Variants in DYSF observed in about 807,000 individuals in gnomAD.
The protein encoded by DYSF is dysferlin, also known as dystrophy-associated fer-1-like 1.
In DYSF, 212 loss-of-function variants were observed where a neutral mutation model predicts 274.9. The observed-to-expected ratio is 0.77, with a 90% CI of 0.69 to 0.86. The LOEUF (loss-of-function observed/expected upper bound fraction) is 0.86. Among genes scored for constraint, DYSF ranks in the 40% least tolerant of loss-of-function variants. The probability of loss-of-function intolerance (pLI) is 0.00; values close to 1 mark genes in which losing one functional copy is unlikely to be tolerated. For missense variants in DYSF, 2,666 were observed against 2,783.2 expected, an observed-to-expected ratio of 0.96 and a Z score of 0.95; for synonymous variants, 1,091 against 1,078.7, an observed-to-expected ratio of 1.01 and a Z score of -0.22.
intron 29 of DYSF, among the ~76,000 whole-genome samples, chr2:71,573,515 A>G (rs1403140222): frequency 6.6e-6 from 1 of 152,188 alleles, no homozygotes; most frequent in Non-Finnish European, 1.5e-5. Flanking sequence ...GGACCCCATG[A>G]ACGAGGTACA....
intron 40 of DYSF, among the ~76,000 whole-genome samples, chr2:71,619,496 G>A (rs76774184): frequency 0.014 from 2,146 of 152,284 alleles, 48 homozygotes; most frequent in African/African-American, 0.049. Flanking sequence ...TTGGGCATCG[G>A]GGGAGTGTCT....
intron 3 of DYSF, among the ~76,000 whole-genome samples, chr2:71,500,002 G>A (rs2084814239): frequency 6.6e-6 from 1 of 152,174 alleles, no homozygotes. Context: ...CAGGCCCCTG[G>A]TTGGTGCCGA....
chr2:71,564,109 C>A lies in DYSF; in HGVS notation c.2461C>A (p.Arg821Ser). Residue 821 changes from arginine (R) to serine (S), a missense_variant, in exon 24 of 56, where the codon CGT becomes AGT. Transcript: ENST00000410020. ...IVIWMLQGDKRVAYQRVPAHQ... is the reference protein window; with the variant it reads ...IVIWMLQGDKSVAYQRVPAHQ... ...CATCTGGATGCTGCAGGGAGACAAG[C>A]GTGTGGCATACCAGCGGGTGCCCGC... 6.2e-7 allele frequency: 1 copy of A among 1,614,276 alleles called. No individual in the cohort carries two copies. The highest frequency in any genetic ancestry group is 1.1e-5 in the South Asian group (1 of 91,090).
chr2:71,635,842 C>T (rs2094394443), intron 41 of DYSF, among the ~76,000 whole-genome samples: 1 of 151,322 alleles, frequency 6.6e-6, no homozygotes, highest in Non-Finnish European at 1.5e-5. Context: ...AATATTAATA[C>T]CCACGTAAAA....
chr2:71,494,311 C>T (rs964574607), intron 3 of DYSF, among the ~76,000 whole-genome samples: 6 of 152,164 alleles, frequency 3.9e-5, no homozygotes, highest in South Asian at 4.1e-4. Context: ...TGTCTGTCTC[C>T]GGATCTGGAG....
chr2:71,651,362 C>T (rs2094656567), intron 42 of DYSF, among the ~76,000 whole-genome samples: 1 of 152,026 alleles, frequency 6.6e-6, no homozygotes, highest in South Asian at 2.1e-4. Flanking sequence ...GACATAACAG[C>T]AGAGATAATT....
In DYSF at chr2:71,592,889, A is replaced by G. The variant is rs74804346; in HGVS notation, c.3574+2601A>G. Among the ~76,000 whole-genome samples the G allele has an allele frequency of 6.8e-3, 1,042 of 152,348 alleles. 14 individuals are homozygous for G. The highest frequency in any genetic ancestry group is 0.024 in the African/African-American group (1,004 of 41,586). On this transcript the variant is annotated intron_variant, in intron 32 of 55. Coordinates refer to ENST00000410020, the MANE Select transcript of DYSF (RefSeq NM_001130987.2). ...TTGAGGAGATAGGCAGGGGTTGCCC[A>G]GAAAACACTTGTTGAATAATATTGA...
At chr2:71,467,707 T>G (rs55902725) in intron 1 of DYSF, among the ~76,000 whole-genome samples, 10,956 of 152,114 alleles carry the variant, frequency 0.072, 567 homozygotes, top group Admixed American at 0.15. Flanking sequence ...ACAATAGCTG[T>G]GAGTCAGGAC....
At chr2:71,582,832 A>G (rs1339147908) in intron 30 of DYSF, among the ~76,000 whole-genome samples, 2 of 152,190 alleles carry the variant, frequency 1.3e-5, no homozygotes, top group African/African-American at 4.8e-5. Context: ...CATCACAGAT[A>G]CATGAGATGG....
At chr2:71,508,862 A>C (rs908043778) in intron 4 of DYSF, among the ~76,000 whole-genome samples, 1 of 151,876 alleles carries the variant, frequency 6.6e-6, no homozygotes, top group African/African-American at 2.4e-5. Context: ...TTGTATTTTT[A>C]CTTTTTTTGA....
At chr2:71,598,992 G>A (rs2093475895) in intron 33 of DYSF, among the ~76,000 whole-genome samples, 1 of 152,236 alleles carries the variant, frequency 6.6e-6, no homozygotes. Context: ...TGGGTCAGGG[G>A]CTTGGGTTTT....
At chr2:71,581,762 AAC>A (rs1351074779) in intron 30 of DYSF, among the ~76,000 whole-genome samples, 1 of 152,180 alleles carries the variant, frequency 6.6e-6, no homozygotes. Context: ...GAATGCTAAA[AAC>A]ACAACAAAAA....
chr2:71,483,346 A>G (rs369126177), intron 3 of DYSF, among the ~76,000 whole-genome samples: 26 of 152,352 alleles, frequency 1.7e-4, no homozygotes, highest in African/African-American at 6.3e-4. Context: ...AACAAGCATG[A>G]ATGGTGGACC....
chr2:71,534,830 C>T (rs1199515894), intron 14 of DYSF, among the ~76,000 whole-genome samples, 191 bp from the exon 15 acceptor site: 1 of 152,164 alleles, frequency 6.6e-6, no homozygotes, highest in Non-Finnish European at 1.5e-5. Context: ...TCTGACCTTC[C>T]ATTGAGCTTT....
intron 42 of DYSF, among the ~76,000 whole-genome samples, chr2:71,655,440 T>C (rs1448515586): frequency 6.6e-6 from 1 of 152,228 alleles, no homozygotes; most frequent in African/African-American, 2.4e-5. Context: ...TTAGCATGTA[T>C]GTTAACCTGT....
At chr2:71,619,361 T>G (rs559653948) in intron 40 of DYSF, among the ~76,000 whole-genome samples, 2 of 152,230 alleles carry the variant, frequency 1.3e-5, no homozygotes, top group African/African-American at 4.8e-5. Context: ...CTCCTGCGTA[T>G]GCTTCTGGCT....
rs1289453214 is a variant in DYSF at position 71,665,310 on chromosome 2, C to G, written c.5317+6C>G. 1 of 1,613,988 alleles carries G rather than the reference C, an allele frequency of 6.2e-7. No individual in the cohort carries two copies. Among genetic ancestry groups the G allele is most frequent in the Non-Finnish European group, 8.5e-7 (1 of 1,180,016 alleles). On this transcript the variant is annotated splice_donor_region_variant and intron_variant, in intron 47 of 55. Coordinates refer to ENST00000410020, the MANE Select transcript of DYSF (RefSeq NM_001130987.2). ...ATATTCCATTGAAGAGATAGGTGAG[C>G]TGCCACATGACCCCAAACCATGGTG...
chr2:71,589,665 A>T lies in DYSF; in HGVS notation c.3475A>T (p.Thr1159Ser). 1 of 1,614,128 alleles carries T rather than the reference A, an allele frequency of 6.2e-7. No homozygotes were observed. The highest frequency in any genetic ancestry group is 1.3e-5 in the African/African-American group (1 of 75,028). ...CTTGAGCTTCGGTGTGAACAGACCC[A>T]CGATTTCCTGCATATTCGACTGTAA... ...STLSFGVNRP[T>S]ISCIFDYGNR... Residue 1159 changes from threonine (T) to serine (S), a missense_variant, in exon 31 of 56, where the codon ACG (threonine) becomes TCG (serine). By Grantham distance (58) the Thr-to-Ser change is moderately conservative. Transcript: ENST00000410020.
intron 30 of DYSF, among the ~76,000 whole-genome samples, chr2:71,586,672 G>A (rs2093077150): frequency 6.6e-6 from 1 of 152,150 alleles, no homozygotes; most frequent in Non-Finnish European, 1.5e-5. Flanking sequence ...GGCCTTGGGA[G>A]TGGTGCTGAC....
Sources: allele counts gnomAD v4.1 joint callset (sites outside exome capture counted in the v4.1 genomes callset), GRCh38; gene constraint gnomAD v4.1.1; transcripts MANE v1.5; gene names NCBI Gene and HGNC (gene_info 2026-07-23, HGNC 2026-07-21).